The following DCC variants were observed in gnomAD, a reference collection of about 807,000 sequenced individuals.
DCC encodes the protein netrin receptor DCC.
A neutral mutation model predicts 172.5 loss-of-function variants in DCC; 58 were observed. The ratio of observed to expected loss-of-function variants is 0.34; its 90% CI spans 0.27 to 0.42. The LOEUF is 0.42. Among genes scored for constraint, DCC ranks in the 10% least tolerant of loss-of-function variants. DCC has a pLI of 1.00. For synonymous variants in DCC, 709 were observed against 644.5 expected (o/e 1.10, Z -1.52); for missense variants, 1,740 against 1,791.0 (o/e 0.97, Z 0.51).
At position 53,499,392 on chromosome 18, in the gene DCC, C is replaced by A. The variant is rs369514746; in HGVS notation, c.3993C>A (p.Ile1331=). The change falls in exon 27 of 29, where the codon ATC becomes ATA. Residue 1331 remains isoleucine (I), a synonymous_variant. Transcript: ENST00000442544. ...SSSEEAPSRT[I]PTACVRPTHP... ...GCGAGGAGGCACCAAGCAGAACCAT[C>A]CCCACAGCTTGTGTTCGACCAACTC... The A allele has an allele frequency of 8.1e-6, 13 of 1,613,994 alleles. No individual in the cohort carries two copies. The highest frequency in any genetic ancestry group is 1.0e-5 in the Non-Finnish European group (12 of 1,180,024).
intron 1 of DCC, among the ~76,000 whole-genome samples, chr18:52,424,744 G>A (rs548537256): frequency 6.6e-6 from 1 of 152,238 alleles, no homozygotes; most frequent in South Asian, 2.1e-4. Flanking sequence ...AGAACTGATG[G>A]TTGGGGAAAT....
intron 1 of DCC, among the ~76,000 whole-genome samples, chr18:52,390,148 C>T (rs1260033696): frequency 6.6e-6 from 1 of 152,084 alleles, no homozygotes; most frequent in East Asian, 1.9e-4. Flanking sequence ...AAACATTCTT[C>T]CCTCTATGAG....
chr18:53,329,037 A>C (rs1212466040), intron 14 of DCC, among the ~76,000 whole-genome samples: 8 of 152,208 alleles, frequency 5.3e-5, no homozygotes, highest in Admixed American at 5.2e-4. Flanking sequence ...AAAGCCCATC[A>C]TCTAATTAAG....
intron 5 of DCC, among the ~76,000 whole-genome samples, chr18:52,977,357 G>A (rs1210872442): frequency 2.0e-5 from 3 of 152,082 alleles, no homozygotes; most frequent in African/African-American, 7.2e-5. Context: ...GATTTATTTG[G>A]TCTGTGACAT....
intron 2 of DCC, among the ~76,000 whole-genome samples, chr18:52,833,916 G>A (rs889713383): frequency 9.2e-5 from 14 of 152,174 alleles, no homozygotes; most frequent in Admixed American, 3.9e-4. Flanking sequence ...CTCCGGCTTC[G>A]GCCTCCCAAA....
rs552061784 is a variant in DCC at position 53,419,747 on chromosome 18, G to A, written c.3163+3591G>A. On this transcript the variant is annotated intron_variant, in intron 21 of 28. Transcript: ENST00000442544. The stretch of plus-strand genomic sequence containing the variant: ...CAAGGAAGAAAGTGAAGCTCAGAGA[G>A]ATGTTATTTGTCTATTGAAACACAG... Among the ~76,000 whole-genome samples the A allele has an allele frequency of 1.1e-3, 162 of 152,198 alleles. No individual in the cohort carries two copies. The East Asian group carries it at 0.03, about 28-fold the overall frequency.
At chr18:53,121,880 A>G (rs2043488831) in intron 7 of DCC, among the ~76,000 whole-genome samples, 2 of 151,910 alleles carry the variant, frequency 1.3e-5, no homozygotes, top group Non-Finnish European at 2.9e-5. Flanking sequence ...TAATTCTACT[A>G]TTAGTGAAAA....
chr18:53,045,682 T>A lies in DCC; in HGVS notation c.986-17623T>A, dbSNP rs977717690. Among the ~76,000 whole-genome samples, 12 of 151,924 alleles carry A rather than the reference T, an allele frequency of 7.9e-5. 1 individual carries two copies. The highest frequency in any genetic ancestry group is 4.4e-5 in the Non-Finnish European group (3 of 67,896). ...GACTTCTTTTGATTTGCCCTGCTGTTAAACATGCACTAGATTTCGCTATTT... is the reference window on the plus strand; with the variant it reads ...GACTTCTTTTGATTTGCCCTGCTGTAAAACATGCACTAGATTTCGCTATTT... On this transcript the variant is annotated intron_variant, in intron 5 of 28. Transcript: ENST00000442544.
At chr18:53,264,649 G>A (rs1436222901) in intron 12 of DCC, among the ~76,000 whole-genome samples, 2 of 152,046 alleles carry the variant, frequency 1.3e-5, no homozygotes, top group Non-Finnish European at 2.9e-5. Flanking sequence ...TTTGGAAAAG[G>A]TGGTATCAGT....
At chr18:52,633,905 G>A (rs2034723482) in intron 1 of DCC, among the ~76,000 whole-genome samples, 1 of 152,250 alleles carries the variant, frequency 6.6e-6, no homozygotes, top group South Asian at 2.1e-4. Context: ...CGCTAGCACA[G>A]CCCCTGATTC....
chr18:53,351,637 A>C (rs1393854287), intron 15 of DCC, among the ~76,000 whole-genome samples: 1 of 150,478 alleles, frequency 6.6e-6, no homozygotes, highest in Non-Finnish European at 1.5e-5. Context: ...TTGTAAAACA[A>C]ACCGGTGAAG....
At chr18:52,452,163 T>C (rs1338547833) in intron 1 of DCC, among the ~76,000 whole-genome samples, 1 of 152,208 alleles carries the variant, frequency 6.6e-6, no homozygotes, top group Non-Finnish European at 1.5e-5. Flanking sequence ...CTAAAGGCAT[T>C]GCAGATACCT....
intron 25 of DCC, among the ~76,000 whole-genome samples, chr18:53,480,672 C>T (rs983687929): frequency 2.6e-5 from 4 of 152,076 alleles, no homozygotes; most frequent in Admixed American, 2.0e-4. Context: ...ACCCTGTACT[C>T]TGTTGCACTT....
intron 5 of DCC, among the ~76,000 whole-genome samples, chr18:53,015,365 C>A (rs993892512): frequency 6.6e-6 from 1 of 152,108 alleles, no homozygotes; most frequent in Non-Finnish European, 1.5e-5. Flanking sequence ...TTGTATGACT[C>A]TGATTAATCA....
chr18:52,406,820 T>C (rs1303057204), intron 1 of DCC, among the ~76,000 whole-genome samples: 1 of 152,104 alleles, frequency 6.6e-6, no homozygotes, highest in African/African-American at 2.4e-5. Context: ...TAGCAATCTA[T>C]GTAGGTAGAT....
chr18:52,346,699 C>G (rs900891432), intron 1 of DCC, among the ~76,000 whole-genome samples: 5 of 152,084 alleles, frequency 3.3e-5, no homozygotes, highest in Middle Eastern at 6.8e-3. Context: ...GCTTTCATTT[C>G]TTGGGGGGAA....
chr18:53,024,731 A>G (rs2041933141), intron 5 of DCC, among the ~76,000 whole-genome samples: 2 of 152,282 alleles, frequency 1.3e-5, no homozygotes, highest in Admixed American at 6.5e-5. Context: ...TAAAATTCCT[A>G]AGCCTTGTAA....
At chr18:52,983,819 G>A (rs779964986) in intron 5 of DCC, among the ~76,000 whole-genome samples, 1 of 152,034 alleles carries the variant, frequency 6.6e-6, no homozygotes, top group Non-Finnish European at 1.5e-5. Context: ...AATAGGGCAC[G>A]GTGCAGCATT....
chr18:53,001,303 T>C (rs1444736195), intron 5 of DCC, among the ~76,000 whole-genome samples: 1 of 152,138 alleles, frequency 6.6e-6, no homozygotes, highest in African/African-American at 2.4e-5. Context: ...AAGTGCTTTA[T>C]GTCTAGATGT....
Sources: gnomAD v4.1 joint callset for allele counts (sites outside exome capture counted in the v4.1 genomes callset) on GRCh38, gnomAD v4.1.1 for gene constraint, MANE v1.5 for transcripts, NCBI Gene and HGNC (gene_info 2026-07-23, HGNC 2026-07-21) for gene names.